The following AMY2B variants were observed in gnomAD, a reference collection of about 807,000 sequenced individuals.
AMY2B encodes amylase alpha 2B.
Under a neutral mutation model 59.3 loss-of-function variants are expected in AMY2B, and 63 were observed. The observed-to-expected ratio is 1.06, with a 90% confidence interval of 0.87 to 1.31. The LOEUF (loss-of-function observed/expected upper bound fraction) is 1.31, where lower values mean the gene tolerates loss of function less well. Among genes scored for constraint, AMY2B ranks in the 50% most tolerant of loss-of-function variants. AMY2B has a pLI of 0.00. For missense variants in AMY2B, 635 were observed against 626.7 expected, an observed-to-expected ratio of 1.01 and a Z score of -0.14; for synonymous variants, 180 against 198.1, an observed-to-expected ratio of 0.91 and a Z score of 0.77.
intron 9 of AMY2B, among the ~76,000 whole-genome samples, chr1:103,579,106 G>A (rs1007236996): frequency 3.3e-5 from 5 of 152,032 alleles, no homozygotes; most frequent in African/African-American, 7.2e-5. Context: ...TTTTCACTAC[G>A]GACCAGGGAA....
intron 1 of AMY2B, among the ~76,000 whole-genome samples, chr1:103,557,111 A>G (rs925934437): frequency 2.0e-5 from 3 of 152,064 alleles, no homozygotes; most frequent in Non-Finnish European, 4.4e-5. Flanking sequence ...TAGAGCGTCC[A>G]TTTAAAAGCT....
At chr1:103,577,005 C>A (rs560433483) in intron 7 of AMY2B, among the ~76,000 whole-genome samples, 2 of 152,120 alleles carry the variant, frequency 1.3e-5, no homozygotes, top group Non-Finnish European at 2.9e-5. Context: ...CGAGTCCAGG[C>A]GAGAAGATCA....
intron 1 of AMY2B, among the ~76,000 whole-genome samples, chr1:103,558,143 T>C (rs978041883): frequency 3.3e-5 from 5 of 152,212 alleles, no homozygotes; most frequent in Non-Finnish European, 2.9e-5. Context: ...GTCCATGTGA[T>C]TTGTTTTGGC....
chr1:103,573,734 T>G lies in AMY2B; in HGVS notation c.540T>G (p.Leu180=). The change falls in exon 4 of 10, where the codon CTT becomes CTG. Residue 180 remains leucine (L), a synonymous_variant. Transcript: ENST00000684275. ...TCAGAGATTGTCGTCTGGTTGGTCT[T>G]CTTGATCTTGCACTGGAGAAAGATT... ...TQVRDCRLVG[L]LDLALEKDYV... 1 of 1,613,758 alleles carries G rather than the reference T, an allele frequency of 6.2e-7. No individual in the cohort carries two copies. The highest frequency in any genetic ancestry group is 1.3e-5 in the African/African-American group (1 of 75,044).
chr1:103,572,242 TG>T lies in AMY2B; in HGVS notation c.302del (p.Cys101LeufsTer13). ...TGAATTTAGAAACATGGTGACTAGATGTAACAATGTTGGGGTAAGTGAATTC... is the reference window on the plus strand; with the variant it reads ...TGAATTTAGAAACATGGTGACTAGATTAACAATGTTGGGGTAAGTGAATTC... ...EDEFRNMVTR[C>X]NNVGVRIYVD... On this transcript the variant is annotated frameshift_variant, in exon 2 of 10. Coordinates refer to ENST00000684275, the MANE Select transcript of AMY2B (RefSeq NM_001387437.1). LOFTEE classifies it high-confidence loss of function. 6.2e-7 allele frequency: 1 copy of T among 1,611,266 alleles called. No homozygotes were observed. Among genetic ancestry groups the T allele is most frequent in the South Asian group, 1.1e-5 (1 of 90,868 alleles).
In AMY2B at chr1:103,579,468, T is replaced by C. The variant is rs1450215887; in HGVS notation, c.1504T>C (p.Phe502Leu). The C allele has an allele frequency of 1.2e-6, 2 of 1,611,394 alleles. No individual in the cohort carries two copies. Among genetic ancestry groups the C allele is most frequent in the Non-Finnish European group, 8.5e-7 (1 of 1,179,652 alleles). The stretch of plus-strand genomic sequence containing the variant: ...TATTAGTAACTCTGCTGAGGATCCA[T>C]TTATTGCAATTCATGCTGAATCTAA... ...FSISNSAEDP[F>L]IAIHAESKL Residue 502 changes from phenylalanine (F) to leucine (L), a missense_variant, in exon 10 of 10, where the codon TTT (phenylalanine) becomes CTT (leucine). Coordinates refer to ENST00000684275, the MANE Select transcript of AMY2B (RefSeq NM_001387437.1).
At chr1:103,566,542 A>T (rs1349909810) in intron 2 of AMY2B, among the ~76,000 whole-genome samples, 4 of 152,120 alleles carry the variant, frequency 2.6e-5, no homozygotes, top group African/African-American at 9.7e-5. Context: ...ACACTATCCG[A>T]GTGTGTTTTA....
At chr1:103,572,438 T>C (rs1178417554) in intron 2 of AMY2B, among the ~76,000 whole-genome samples, 182 bp downstream of exon 2, 2 of 152,228 alleles carry the variant, frequency 1.3e-5, no homozygotes, top group Admixed American at 1.3e-4. Flanking sequence ...GTGTATGTGC[T>C]CTCTATCTAC....
chr1:103,562,761 G>A (rs1651776040), intron 1 of AMY2B, among the ~76,000 whole-genome samples: 1 of 151,252 alleles, frequency 6.6e-6, no homozygotes, highest in Admixed American at 6.6e-5. Flanking sequence ...CTTTGGATAG[G>A]GGGAAAGAAC....
chr1:103,563,110 T>C (rs1372192695), intron 1 of AMY2B, among the ~76,000 whole-genome samples: 1 of 152,072 alleles, frequency 6.6e-6, no homozygotes, highest in African/African-American at 2.4e-5. Flanking sequence ...ATATATTTTA[T>C]TTTTTATATG....
At chr1:103,560,449 T>C (rs1002170776) in intron 1 of AMY2B, among the ~76,000 whole-genome samples, 4 of 152,168 alleles carry the variant, frequency 2.6e-5, no homozygotes, top group Non-Finnish European at 4.4e-5. Flanking sequence ...AGCTTTACCT[T>C]TACCTTTTTT....
chr1:103,559,055 G>A (rs1651653171), intron 1 of AMY2B, among the ~76,000 whole-genome samples: 2 of 152,144 alleles, frequency 1.3e-5, no homozygotes, highest in Admixed American at 6.5e-5. Flanking sequence ...TCGAGCAGTT[G>A]TTGCTTTAAG....
chr1:103,571,777 A>G lies in AMY2B; in HGVS notation c.168+7A>G, dbSNP rs764948438. 12 of 1,611,944 alleles carry G rather than the reference A, an allele frequency of 7.4e-6. No homozygotes were observed. The Admixed American group carries it at 1.0e-4, about 13-fold the overall frequency. The stretch of plus-strand genomic sequence containing the variant: ...GGGATTTGGAGGGGTTCAGGTGGGT[A>G]TGATTCATAGTATCAATTGCAGAAT... On this transcript the variant is annotated splice_region_variant and intron_variant, in intron 1 of 9. Transcript: ENST00000684275.
At chr1:103,567,645 G>A (rs1181095150), upstream of AMY2B, among the ~76,000 whole-genome samples, 4 of 152,004 alleles carry the variant, frequency 2.6e-5, no homozygotes, top group Non-Finnish European at 5.9e-5. Flanking sequence ...CCTATAATCT[G>A]GTTTCTTCCC....
chr1:103,563,614 C>G (rs1000837823), intron 1 of AMY2B, among the ~76,000 whole-genome samples: 2 of 152,034 alleles, frequency 1.3e-5, no homozygotes, highest in African/African-American at 2.4e-5. Context: ...ATGCCTGACT[C>G]TTAGTAGAAG....
chr1:103,557,529 C>T (rs1377447763), intron 1 of AMY2B, among the ~76,000 whole-genome samples: 1 of 151,908 alleles, frequency 6.6e-6, no homozygotes, highest in African/African-American at 2.4e-5. Context: ...TGGCTCATGC[C>T]TGTGGTCCCA....
upstream of AMY2B, chr1:103,570,809 A>C (rs929356585): frequency 1.1e-4 from 49 of 446,760 alleles, no homozygotes; most frequent in African/African-American, 9.3e-4. Context: ...TTGTCTTTAA[A>C]GCTTGTATCT....
chr1:103,575,775 G>GT, intron 7 of AMY2B: 63 of 458,910 alleles, frequency 1.4e-4, no homozygotes, highest in Middle Eastern at 6.4e-4. Context: ...CTAGCCCACA[G>GT]GAAAAAAAAA....
chr1:103,560,056 T>A (rs1408739632), intron 1 of AMY2B, among the ~76,000 whole-genome samples: 1 of 152,128 alleles, frequency 6.6e-6, no homozygotes, highest in African/African-American at 2.4e-5. Flanking sequence ...AATATTCTTT[T>A]TTATTTCAAT....
Sources: allele counts gnomAD v4.1 joint callset (sites outside exome capture counted in the v4.1 genomes callset), GRCh38; gene constraint gnomAD v4.1.1; transcripts MANE v1.5; gene names NCBI Gene and HGNC (gene_info 2026-07-23, HGNC 2026-07-21).